The following CYP24A1 variants were observed in gnomAD, a reference collection of about 807,000 sequenced individuals.
CYP24A1 encodes the protein cytochrome P450 family 24 subfamily A member 1, also known as 1,25-dihydroxyvitamin D(3) 24-hydroxylase, mitochondrial.
A neutral mutation model predicts 62.4 loss-of-function variants in CYP24A1; 68 were observed. The ratio of observed to expected loss-of-function variants is 1.09; its 90% CI spans 0.90 to 1.33. The LOEUF (loss-of-function observed/expected upper bound fraction) is 1.33. Ranked by LOEUF, CYP24A1 falls within the 40% of genes most tolerant of loss-of-function variation. The pLI is 0.00. For missense variants in CYP24A1, 787 were observed against 653.0 expected, an observed-to-expected ratio of 1.21 and a Z score of -2.24; for synonymous variants, 267 against 253.0, an observed-to-expected ratio of 1.06 and a Z score of -0.52.
the CYP24A1 span, among the ~76,000 whole-genome samples, chr20:54,145,901 T>C: frequency 3.3e-5 from 5 of 152,248 alleles, no homozygotes; most frequent in Non-Finnish European, 7.3e-5. Context: ...TTAGGGATCA[T>C]CTTTTAAAAC....
At chr20:54,149,801 G>C (rs66870448), downstream of CYP24A1, among the ~76,000 whole-genome samples, 14,653 of 152,224 alleles carry the variant, frequency 0.096, 1,062 homozygotes, top group East Asian at 0.3. Flanking sequence ...AGAACAGCAA[G>C]ATGAGAAACG....
intron 4 of CYP24A1, 93 bp downstream of exon 4, chr20:54,169,498 TA>T: frequency 6.3e-7 from 1 of 1,596,242 alleles, no homozygotes; most frequent in South Asian, 1.1e-5. Context: ...TAGGCAGCAA[TA>T]ATGCCTGTTT....
At chr20:54,167,182 G>C (rs1039787454) in intron 4 of CYP24A1, among the ~76,000 whole-genome samples, 1 of 152,172 alleles carries the variant, frequency 6.6e-6, no homozygotes, top group African/African-American at 2.4e-5. Context: ...AATTAGCTTA[G>C]TCAGCACCCA....
At position 54,157,286 on chromosome 20, in the gene CYP24A1, C is replaced by A. The variant is rs1341262385; in HGVS notation, c.1438G>T (p.Val480Phe). The change falls in exon 11 of 12, where the codon GTC becomes TTC. Residue 480 changes from valine (V) to phenylalanine (F), a missense_variant. Transcript: ENST00000216862. ...LQLHLALCWI[V>F]RKYDIQATDN... The stretch of plus-strand genomic sequence containing the variant: ...GTGGCCTGGATGTCGTATTTGCGGA[C>A]AATCTGTAATGCACACGCACACAAA... 6.3e-7 allele frequency: 1 copy of A among 1,597,530 alleles called. No homozygotes were observed. The highest frequency in any genetic ancestry group is 8.6e-7 in the Non-Finnish European group (1 of 1,164,970).
chr20:54,164,711 G>A (rs965205716), intron 5 of CYP24A1, 148 bp from the exon 6 acceptor site: 39 of 1,483,500 alleles, frequency 2.6e-5, no homozygotes, highest in Non-Finnish European at 3.3e-5. Context: ...TCTCTGCACC[G>A]GTCCTGGGAG....
At position 54,173,709 on chromosome 20, in the gene CYP24A1, G is replaced by A; in HGVS notation, c.-130C>T. ...AGCAAAGAGGGCCAGCTGGTGTGAT[G>A]GAGCGGGGTGAGGCGGGACAGGCAG... On this transcript the variant is annotated 5_prime_UTR_variant, in exon 1 of 12. Coordinates refer to ENST00000216862, the MANE Select transcript of CYP24A1 (RefSeq NM_000782.5). This position sits in a 1 kb window ranked among gnomAD's most constrained non-coding sequence, Gnocchi z 7.2. 1.5e-6 allele frequency: 1 copy of A among 657,964 alleles called. No individual in the cohort carries two copies. The highest frequency in any genetic ancestry group is 2.7e-5 in the East Asian group (1 of 36,752). 40.8% of individuals were successfully genotyped at this position (657,964 alleles called of 1,614,324 possible).
At chr20:54,170,251 C>A (rs1203545366) in intron 3 of CYP24A1, among the ~76,000 whole-genome samples, 1 of 152,182 alleles carries the variant, frequency 6.6e-6, no homozygotes, top group Non-Finnish European at 1.5e-5. Flanking sequence ...TTTCATAAAC[C>A]AGAGTTTTCA....
intron 7 of CYP24A1, 94 bp downstream of exon 7, chr20:54,162,623 G>T: frequency 3.5e-6 from 3 of 847,420 alleles, no homozygotes; most frequent in African/African-American, 1.7e-5. Context: ...GTGAATCCCA[G>T]TGAAATGAAT....
intron 8 of CYP24A1, 103 bp from the exon 9 acceptor site, chr20:54,158,267 A>G: frequency 1.3e-6 from 2 of 1,565,996 alleles, no homozygotes; most frequent in Non-Finnish European, 1.7e-6. Flanking sequence ...GCCCAAGTGC[A>G]TACTCAAAGA....
intron 11 of CYP24A1, among the ~76,000 whole-genome samples, chr20:54,156,421 G>T (rs576842146): frequency 2.0e-5 from 3 of 152,286 alleles, no homozygotes; most frequent in South Asian, 4.1e-4. Context: ...GTTGGGGAAG[G>T]TTTCATGAGC....
chr20:54,172,085 GC>G (rs1247377478), intron 2 of CYP24A1: 2 of 275,316 alleles, frequency 7.3e-6, no homozygotes, highest in Non-Finnish European at 1.4e-5. Context: ...ATTGGTGTGG[GC>G]TTCATATTTA....
At chr20:54,157,340 T>C (rs780324653) in intron 10 of CYP24A1, 48 bp downstream of exon 10, 3 of 1,486,106 alleles carry the variant, frequency 2.0e-6, no homozygotes, top group Non-Finnish European at 9.4e-7. Context: ...TTCTTCTGCC[T>C]TGTGAAACAG....
Position 54,173,559 on chromosome 20 carries a change from C to T in CYP24A1, c.21G>A (p.Lys7=). The change falls in exon 1 of 12, where the codon AAG becomes AAA. Residue 7 remains lysine, a synonymous_variant. Coordinates refer to ENST00000216862, the MANE Select transcript of CYP24A1 (RefSeq NM_000782.5). This position sits in a 1 kb window ranked among gnomAD's most constrained non-coding sequence, Gnocchi z 7.2. ...GCAGGAAGGCGGCAAGCGAGCGGCT[C>T]TTGCTGATGGGGGAGCTCATGGCAG... MSSPIS[K]SRSLAAFLQQ... The T allele has an allele frequency of 6.3e-7, 1 of 1,582,056 alleles. No homozygotes were observed. The highest frequency in any genetic ancestry group is 8.6e-7 in the Non-Finnish European group (1 of 1,168,898).
intron 4 of CYP24A1, 22 bp from the exon 5 acceptor site, chr20:54,165,855 A>G (rs2092670133): frequency 9.4e-7 from 1 of 1,065,040 alleles, no homozygotes; most frequent in South Asian, 1.2e-5. Context: ...AATAATCATC[A>G]CTTTACACAA....
chr20:54,147,746 T>G, the CYP24A1 span, among the ~76,000 whole-genome samples: 1 of 152,230 alleles, frequency 6.6e-6, no homozygotes, highest in Non-Finnish European at 1.5e-5. Flanking sequence ...ATGAGAAAAC[T>G]CAAGCACAGA....
At chr20:54,150,372 T>C (rs2762930), downstream of CYP24A1, among the ~76,000 whole-genome samples, 91,261 of 152,028 alleles carry the variant, frequency 0.6, 28,174 homozygotes, top group African/African-American at 0.74. Flanking sequence ...TTCACTTTTT[T>C]GCCCAGGCTG....
chr20:54,146,372 A>G, the CYP24A1 span, among the ~76,000 whole-genome samples: 1 of 152,154 alleles, frequency 6.6e-6, no homozygotes, highest in South Asian at 2.1e-4. Context: ...GTTTCTTGAT[A>G]CTGTGTTTCA....
At chr20:54,170,807 A>G (rs1235279382) in intron 3 of CYP24A1, among the ~76,000 whole-genome samples, 2 of 152,156 alleles carry the variant, frequency 1.3e-5, no homozygotes, top group Admixed American at 6.5e-5. Flanking sequence ...TGAGTTTGCA[A>G]TCCTTCACCT....
At chr20:54,144,927 A>C in the CYP24A1 span, among the ~76,000 whole-genome samples, 1 of 152,272 alleles carries the variant, frequency 6.6e-6, no homozygotes, top group East Asian at 1.9e-4. Flanking sequence ...TTTGGAGATA[A>C]AATGTTATTT....
Sources: allele counts gnomAD v4.1 joint callset (sites outside exome capture counted in the v4.1 genomes callset), GRCh38; gene constraint gnomAD v4.1.1; non-coding constraint Gnocchi (gnomAD v3.1); transcripts MANE v1.5; gene names NCBI Gene and HGNC (gene_info 2026-07-23, HGNC 2026-07-21).